NAA25: variants seen among roughly 807,000 people sequenced by gnomAD.
NAA25 encodes N-alpha-acetyltransferase 25, NatB auxiliary subunit, also known as N-terminal acetyltransferase B complex subunit NAA25.
A neutral mutation model predicts 132.5 loss-of-function variants in NAA25; 30 were observed. That is an observed-to-expected ratio of 0.23 (90% confidence interval 0.17 to 0.31). NAA25 has a LOEUF of 0.31. Among genes scored for constraint, NAA25 ranks in the 10% least tolerant of loss-of-function variants. NAA25 has a pLI of 1.00. For missense variants in NAA25, 771 were observed against 1,150.4 expected, an observed-to-expected ratio of 0.67 and a Z score of 4.77; for synonymous variants, 359 against 401.9, an observed-to-expected ratio of 0.89 and a Z score of 1.28.
At chr12:112,035,253 T>C (rs942042425) in intron 22 of NAA25, 1 of 152,084 alleles carries the variant, frequency 6.6e-6, no homozygotes, top group South Asian at 2.1e-4. Flanking sequence ...AAAAGCTATC[T>C]GACATGTTCT....
chr12:112,050,149 T>C (rs1307667225), intron 15 of NAA25, among the ~76,000 whole-genome samples: 1 of 152,152 alleles, frequency 6.6e-6, no homozygotes, highest in Non-Finnish European at 1.5e-5. Context: ...CACAGTTCTC[T>C]GGCTTATCTT....
At chr12:112,075,652 T>C (rs779388224) in intron 8 of NAA25, 26 bp downstream of exon 8, 2 of 1,581,172 alleles carry the variant, frequency 1.3e-6, no homozygotes, top group Non-Finnish European at 8.7e-7. Flanking sequence ...TACAGTCAAA[T>C]GGTACAAAAG....
At chr12:112,094,666 T>TTG (rs1160971400) in intron 1 of NAA25, among the ~76,000 whole-genome samples, 2 of 152,048 alleles carry the variant, frequency 1.3e-5, no homozygotes, top group African/African-American at 2.4e-5. Flanking sequence ...TAGTACTTTT[T>TTG]TGTGTGTGTG....
chr12:112,050,703 G>C (rs1466782637), intron 15 of NAA25, among the ~76,000 whole-genome samples: 1 of 151,822 alleles, frequency 6.6e-6, no homozygotes, highest in African/African-American at 2.4e-5. Flanking sequence ...ATAAAATAGA[G>C]ATTTTAAAGG....
chr12:112,030,312 T>C (rs1239716858), intron 23 of NAA25, among the ~76,000 whole-genome samples: 4 of 150,160 alleles, frequency 2.7e-5, no homozygotes, highest in Non-Finnish European at 5.9e-5. Context: ...AGTTTGGACA[T>C]AAAATCCCTA....
intron 14 of NAA25, among the ~76,000 whole-genome samples, 198 bp from the exon 15 acceptor site, chr12:112,053,855 T>C (rs1239936851): frequency 7.2e-6 from 1 of 138,802 alleles, no homozygotes; most frequent in East Asian, 2.2e-4. Flanking sequence ...AAAAGTTAAC[T>C]CAGTTTTGTG....
In NAA25 at chr12:112,048,389, C is replaced by G; in HGVS notation, c.1783G>C (p.Glu595Gln). ...YKYGAFEKIP[E>Q]FIAFRNRLNN... ...AGCCTGTTCCTAAAAGCGATAAACTCTGGGATCTTCTCAAATGCACCATAT... is the reference window on the plus strand; with the variant it reads ...AGCCTGTTCCTAAAAGCGATAAACTGTGGGATCTTCTCAAATGCACCATAT... Residue 595 changes from glutamate (E) to glutamine (Q), a missense_variant, in exon 16 of 24, where the codon GAG (glutamate) becomes CAG (glutamine). Physicochemically the swap from Glu to Gln is conservative, Grantham distance 29. Transcript: ENST00000261745. 1 of 1,613,960 alleles carries G rather than the reference C, an allele frequency of 6.2e-7. No homozygotes were observed. Among genetic ancestry groups the G allele is most frequent in the Non-Finnish European group, 8.5e-7 (1 of 1,179,908 alleles).
At chr12:112,072,286 A>G (rs1205183719) in intron 9 of NAA25, among the ~76,000 whole-genome samples, 1 of 152,146 alleles carries the variant, frequency 6.6e-6, no homozygotes, top group Non-Finnish European at 1.5e-5. Flanking sequence ...TACCTTTTTA[A>G]AAAAAGAATG....
At position 112,103,887 on chromosome 12, in the gene NAA25, T is replaced by G. The variant is rs987346708; in HGVS notation, c.58+4829A>C. On this transcript the variant is annotated intron_variant, in intron 1 of 23. Coordinates refer to ENST00000261745, the MANE Select transcript of NAA25 (RefSeq NM_024953.4). ...TCACATGCATAGTTCACAACAGGGTTTGTGTTCCTACTCCTAAGAGCTGAT... is the reference window on the plus strand; with the variant it reads ...TCACATGCATAGTTCACAACAGGGTGTGTGTTCCTACTCCTAAGAGCTGAT... Among the ~76,000 whole-genome samples, 10 of 152,322 alleles carry G rather than the reference T, an allele frequency of 6.6e-5. No homozygotes were observed. The South Asian group carries it at 2.1e-3, about 32-fold the overall frequency.
intron 11 of NAA25, among the ~76,000 whole-genome samples, chr12:112,064,800 C>T (rs2078690058): frequency 6.6e-6 from 1 of 151,916 alleles, no homozygotes; most frequent in South Asian, 2.1e-4. Context: ...TTTGGGAGGC[C>T]GAGGCTGGTG....
rs1419708090 is a variant in NAA25, at chr12:112,028,631, T to C, written c.*900A>G. 1 of 152,090 alleles carries C rather than the reference T, an allele frequency of 6.6e-6. No individual in the cohort carries two copies. Among genetic ancestry groups the C allele is most frequent in the Non-Finnish European group, 1.5e-5 (1 of 68,020 alleles). The allele number at this position is 152,090 out of a possible 1,614,324, so 9.4% of individuals were successfully genotyped here. A position where few individuals can be genotyped will look rare whatever the true frequency, so the allele number is the denominator to read the frequency against. On this transcript the variant is annotated 3_prime_UTR_variant, in exon 24 of 24. Coordinates refer to ENST00000261745, the MANE Select transcript of NAA25 (RefSeq NM_024953.4). ...TTAATTTTCAAGTCATATATATATG[T>C]GTATATATATATATGTATATATATG...
intron 17 of NAA25, among the ~76,000 whole-genome samples, chr12:112,045,101 G>T (rs546286263): frequency 1.1e-4 from 17 of 152,136 alleles, no homozygotes; most frequent in South Asian, 6.2e-4. Context: ...GTAAAACGTA[G>T]AAAAGGTGCC....
intron 10 of NAA25, 48 bp downstream of exon 10, chr12:112,071,846 TG>T (rs2078813835): frequency 8.5e-7 from 1 of 1,172,614 alleles, no homozygotes; most frequent in African/African-American, 2.7e-5. Context: ...ATATAGCACT[TG>T]GGTATTAAGG....
At chr12:112,092,412 G>T (rs1046405300) in intron 2 of NAA25, among the ~76,000 whole-genome samples, 2 of 152,130 alleles carry the variant, frequency 1.3e-5, no homozygotes, top group African/African-American at 4.8e-5. Context: ...ATCACCTGAG[G>T]TCGGGAGTTT....
At chr12:112,047,402 T>C (rs1378269684) in intron 17 of NAA25, among the ~76,000 whole-genome samples, 1 of 152,098 alleles carries the variant, frequency 6.6e-6, no homozygotes, top group Non-Finnish European at 1.5e-5. Flanking sequence ...CAGGTAATTT[T>C]TGTATTTTTA....
At chr12:112,108,579 T>A in intron 1 of NAA25, 137 bp downstream of exon 1, 1 of 957,822 alleles carries the variant, frequency 1.0e-6, no homozygotes, top group African/African-American at 1.7e-5. Flanking sequence ...GGCTGCGGCC[T>A]AGTGGCCCGC....
rs2078429281 is a variant in NAA25, at chr12:112,049,251, G to A, written c.1729-808C>T. On this transcript the variant is annotated intron_variant, in intron 15 of 23. Transcript: ENST00000261745. The surrounding 1 kb of genome is among the most constrained non-coding windows in gnomAD (Gnocchi z 4.7). ...TCTGGCACAATAGAAGAAAATCTCAGGGAAGAACATTTCATGGGTGTGGGT... is the reference window on the plus strand; with the variant it reads ...TCTGGCACAATAGAAGAAAATCTCAAGGAAGAACATTTCATGGGTGTGGGT... 6.6e-6 allele frequency among the ~76,000 whole-genome samples: 1 copy of A among 152,206 alleles called. No individual in the cohort carries two copies. The highest frequency in any genetic ancestry group is 2.4e-5 in the African/African-American group (1 of 41,440).
chr12:112,048,351 A>T lies in NAA25; in HGVS notation c.1821T>A (p.Leu607=). ...GTTCAGTACGGACTTGTGCAAAATG[A>T]AGAGAATTATTCAGCCTGTTCCTAA... The part of the protein sequence containing the change: ...IAFRNRLNNS[L]HFAQVRTERM... The change falls in exon 16 of 24, where the codon CTT becomes CTA. Residue 607 remains leucine (L), a synonymous_variant. Coordinates refer to ENST00000261745, the MANE Select transcript of NAA25 (RefSeq NM_024953.4). The T allele has an allele frequency of 6.2e-7, 1 of 1,614,098 alleles. No individual in the cohort carries two copies. The highest frequency in any genetic ancestry group is 1.3e-5 in the African/African-American group (1 of 75,056).
At chr12:112,095,012 T>C (rs1444462902) in intron 1 of NAA25, among the ~76,000 whole-genome samples, 1 of 152,062 alleles carries the variant, frequency 6.6e-6, no homozygotes, top group Admixed American at 6.6e-5. Flanking sequence ...CACCATAAAA[T>C]TGTGTTAGGC....
Sources: allele counts gnomAD v4.1 joint callset (sites outside exome capture counted in the v4.1 genomes callset), GRCh38; gene constraint gnomAD v4.1.1; non-coding constraint Gnocchi (gnomAD v3.1); transcripts MANE v1.5; gene names NCBI Gene and HGNC (gene_info 2026-07-23, HGNC 2026-07-21).